The following LDB2 variants were observed in gnomAD, a reference collection of about 807,000 sequenced individuals.
The protein encoded by LDB2 is LIM domain binding 2, also known as LIM domain-binding protein 2.
A neutral mutation model predicts 44.3 loss-of-function variants in LDB2; 12 were observed. The observed-to-expected ratio is 0.27, with a 90% CI of 0.17 to 0.44. The LOEUF (loss-of-function observed/expected upper bound fraction) is 0.44, where lower values mean the gene tolerates loss of function less well. Ranked by LOEUF, LDB2 falls within the 20% of genes least tolerant of loss-of-function variation. LDB2 has a pLI of 1.00. For missense variants in LDB2, 344 were observed against 473.5 expected (o/e 0.73, Z 2.54); for synonymous variants, 164 against 174.8 (o/e 0.94, Z 0.49).
At chr4:16,769,301 T>A (rs543421862) in intron 1 of LDB2, among the ~76,000 whole-genome samples, 1 of 43,446 alleles carries the variant, frequency 2.3e-5, no homozygotes, top group African/African-American at 4.7e-5. Context: ...ATTTTTTATT[T>A]TTATTTTTTT....
intron 5 of LDB2, among the ~76,000 whole-genome samples, chr4:16,555,630 A>G (rs957981965): frequency 1.3e-5 from 2 of 152,136 alleles, no homozygotes; most frequent in African/African-American, 4.8e-5. Context: ...CGAAACTTCT[A>G]TTCACTGTCA....
chr4:16,880,341 G>A (rs745754654), intron 1 of LDB2, among the ~76,000 whole-genome samples: 1 of 152,114 alleles, frequency 6.6e-6, no homozygotes, highest in Non-Finnish European at 1.5e-5. Flanking sequence ...AGGGGAGAAG[G>A]AACGGCTGAA....
intron 2 of LDB2, among the ~76,000 whole-genome samples, chr4:16,635,103 G>T (rs1463545684): frequency 6.6e-6 from 1 of 152,080 alleles, no homozygotes; most frequent in African/African-American, 2.4e-5. Flanking sequence ...AGAACACATG[G>T]ACACAGGGAG....
intron 2 of LDB2, among the ~76,000 whole-genome samples, chr4:16,619,282 C>T (rs1012659341): frequency 2.6e-5 from 4 of 152,144 alleles, no homozygotes; most frequent in Non-Finnish European, 4.4e-5. Context: ...TACTGCAGAC[C>T]ACACCAGGCT....
At chr4:16,526,655 A>T (rs553716982) in intron 5 of LDB2, among the ~76,000 whole-genome samples, 1 of 152,374 alleles carries the variant, frequency 6.6e-6, no homozygotes, top group Non-Finnish European at 1.5e-5. Context: ...GAAAGATGGC[A>T]GCATGAGAAG....
At chr4:16,872,010 G>A (rs184190670) in intron 1 of LDB2, among the ~76,000 whole-genome samples, 42 of 152,230 alleles carry the variant, frequency 2.8e-4, no homozygotes, top group Middle Eastern at 3.4e-3. Context: ...AGCATTTTGG[G>A]AGAATTAATT....
chr4:16,859,200 T>G (rs1361657526), intron 1 of LDB2, among the ~76,000 whole-genome samples: 2 of 152,074 alleles, frequency 1.3e-5, no homozygotes, highest in African/African-American at 4.8e-5. Context: ...TCCCTGGGAG[T>G]CCTACTCCAG....
chr4:16,601,290 A>C (rs1560597056), intron 2 of LDB2, among the ~76,000 whole-genome samples: 1 of 152,182 alleles, frequency 6.6e-6, no homozygotes, highest in Non-Finnish European at 1.5e-5. Flanking sequence ...TTTATGTTTA[A>C]GTGCTCTGAA....
chr4:16,549,995 C>T (rs1167157685), intron 5 of LDB2, among the ~76,000 whole-genome samples: 1 of 152,170 alleles, frequency 6.6e-6, no homozygotes, highest in Non-Finnish European at 1.5e-5. Context: ...TGAGCTTGCC[C>T]AATCTGTATT....
At chr4:16,510,165 T>G (rs1262609318) in intron 6 of LDB2, among the ~76,000 whole-genome samples, 2 of 152,300 alleles carry the variant, frequency 1.3e-5, no homozygotes, top group East Asian at 3.9e-4. Context: ...CCTATGCCAC[T>G]TCTGGTGGAC....
chr4:16,864,482 A>C (rs1003953873), intron 1 of LDB2, among the ~76,000 whole-genome samples: 1 of 152,214 alleles, frequency 6.6e-6, no homozygotes, highest in Non-Finnish European at 1.5e-5. Context: ...CAGTAAGTGT[A>C]AGACTCGGGT....
At chr4:16,707,277 T>C (rs157614) in intron 2 of LDB2, among the ~76,000 whole-genome samples, 37,313 of 152,000 alleles carry the variant, frequency 0.25, 5,280 homozygotes, top group Non-Finnish European at 0.33. Context: ...TATCTTTCTA[T>C]TATACACATT....
At chr4:16,747,640 G>A (rs1042711125) in intron 2 of LDB2, among the ~76,000 whole-genome samples, 2 of 152,086 alleles carry the variant, frequency 1.3e-5, no homozygotes, top group Admixed American at 6.5e-5. Flanking sequence ...AATTTTACAC[G>A]GACAAATACA....
intron 1 of LDB2, among the ~76,000 whole-genome samples, chr4:16,766,577 C>T (rs1401046734): frequency 6.7e-6 from 1 of 150,236 alleles, no homozygotes. Flanking sequence ...GCAATCTTGG[C>T]TCACTGCAAC....
chr4:16,619,166 G>A (rs974824436), intron 2 of LDB2, among the ~76,000 whole-genome samples: 1 of 152,018 alleles, frequency 6.6e-6, no homozygotes, highest in African/African-American at 2.4e-5. Flanking sequence ...AGAACCAATG[G>A]GATCCTTAGA....
chr4:16,545,074 T>C (rs1735245117), intron 5 of LDB2, among the ~76,000 whole-genome samples: 1 of 152,142 alleles, frequency 6.6e-6, no homozygotes, highest in Non-Finnish European at 1.5e-5. Context: ...AAACACCAGC[T>C]GTAGCAAAGA....
chr4:16,519,146 A>G (rs1354166149), intron 5 of LDB2, among the ~76,000 whole-genome samples: 1 of 152,190 alleles, frequency 6.6e-6, no homozygotes, highest in Non-Finnish European at 1.5e-5. Flanking sequence ...TTAACACGGT[A>G]TTAGGTATAC....
At chr4:16,661,880 G>C (rs1434143859) in intron 2 of LDB2, among the ~76,000 whole-genome samples, 2 of 152,188 alleles carry the variant, frequency 1.3e-5, no homozygotes, top group Non-Finnish European at 2.9e-5. Context: ...GAATTAGTGA[G>C]AGAGCACATG....
intron 2 of LDB2, among the ~76,000 whole-genome samples, chr4:16,667,647 A>G (rs564618252): frequency 6.6e-6 from 1 of 152,364 alleles, no homozygotes; most frequent in African/African-American, 2.4e-5. Flanking sequence ...AGGCTGACTC[A>G]TGGATGGCAA....
Sources: gnomAD v4.1 joint callset for allele counts (sites outside exome capture counted in the v4.1 genomes callset) on GRCh38, gnomAD v4.1.1 for gene constraint, MANE v1.5 for transcripts, NCBI Gene and HGNC (gene_info 2026-07-23, HGNC 2026-07-21) for gene names.